SUPT7L: variants seen among roughly 807,000 people sequenced by gnomAD.
SUPT7L encodes the protein STAGA complex 65 subunit gamma.
Under a neutral mutation model 35.7 loss-of-function variants are expected in SUPT7L, and 15 were observed. That is an observed-to-expected ratio of 0.42 (90% CI 0.28 to 0.65). The LOEUF (loss-of-function observed/expected upper bound fraction) is 0.65. Ranked by LOEUF, SUPT7L falls within the 30% of genes least tolerant of loss-of-function variation. SUPT7L has a pLI of 0.23. For synonymous variants in SUPT7L, 168 were observed against 186.2 expected (o/e 0.90, Z 0.79); for missense variants, 434 against 522.2 (o/e 0.83, Z 1.65).
chr2:27,648,022 T>A, downstream of SUPT7L: 1 of 800,512 alleles, frequency 1.2e-6, no homozygotes, highest in Non-Finnish European at 2.2e-6. Flanking sequence ...TTTCTTGCTT[T>A]AAGCGTGTAG....
rs1438452092 is a variant in SUPT7L at position 27,655,408 on chromosome 2, G to A, written c.939C>T (p.Arg313=). The change falls in exon 5 of 6, where the codon CGC becomes CGT. Residue 313 remains arginine, a synonymous_variant. Transcript: ENST00000337768. ...CTTCAACCTCCAGGTTAGATGGGAA[G>A]CGTTCGCTCTGAGCCCCAAGCACTC... ...PMGVLGAQSE[R]FPSNLEVEAS... 1.2e-6 allele frequency: 2 copies of A among 1,606,310 alleles called. No homozygotes were observed. Among genetic ancestry groups the A allele is most frequent in the South Asian group, 2.2e-5 (2 of 89,948 alleles).
downstream of SUPT7L, among the ~76,000 whole-genome samples, chr2:27,649,342 T>C (rs1010613747): frequency 2.6e-5 from 4 of 152,202 alleles, no homozygotes; most frequent in African/African-American, 9.6e-5. Flanking sequence ...TTCTTTAGGC[T>C]GGGTTTTACA....
At position 27,662,167 on chromosome 2, in the gene SUPT7L, G is replaced by T. The variant is rs1434637860; in HGVS notation, c.14+12C>A. The T allele has an allele frequency of 1.9e-6, 3 of 1,613,910 alleles. No individual in the cohort carries two copies. Among genetic ancestry groups the T allele is most frequent in the Non-Finnish European group, 2.5e-6 (3 of 1,179,978 alleles). On this transcript the variant is annotated intron_variant, in intron 2 of 5. Transcript: ENST00000337768. ...ACCATTCAACAAAATTCACAATCTG[G>T]TTTCAACTCACCTTTGCAGATTCAT... is the stretch of plus-strand genomic sequence containing the variant.
chr2:27,653,250 A>G lies in SUPT7L; in HGVS notation c.*235T>C. On this transcript the variant is annotated 3_prime_UTR_variant, in exon 6 of 6. Transcript: ENST00000337768. ...GGGACAGTGCTTTGGTCTGATTGCCATGCCAGCATCATATTTTATCTGTGA... is the reference window on the plus strand; with the variant it reads ...GGGACAGTGCTTTGGTCTGATTGCCGTGCCAGCATCATATTTTATCTGTGA... 7.3e-6 allele frequency: 4 copies of G among 547,250 alleles called. No individual in the cohort carries two copies. Among genetic ancestry groups the G allele is most frequent in the South Asian group, 2.1e-5 (1 of 47,014 alleles). The allele number at this position is 547,250 out of a possible 1,614,324, so 33.9% of individuals were successfully genotyped here.
At chr2:27,645,390 A>C in the SUPT7L span, among the ~76,000 whole-genome samples, 2 of 151,996 alleles carry the variant, frequency 1.3e-5, no homozygotes, top group Non-Finnish European at 2.9e-5. Flanking sequence ...TTCTCCTCCT[A>C]ATTTTTATTT....
chr2:27,656,775 G>A (rs1334527506), intron 4 of SUPT7L, among the ~76,000 whole-genome samples: 1 of 151,936 alleles, frequency 6.6e-6, no homozygotes, highest in African/African-American at 2.4e-5. Flanking sequence ...TGAGACCACA[G>A]GCATGAGCTA....
Position 27,650,815 on chromosome 2 carries a change from TG to T in SUPT7L, c.*2669del, listed in dbSNP as rs1169076488. 6.5e-6 allele frequency: 1 copy of T among 152,826 alleles called. No homozygotes were observed. Among genetic ancestry groups the T allele is most frequent in the East Asian group, 1.9e-4 (1 of 5,342 alleles). The allele number at this position is 152,826 out of a possible 1,614,324, so 9.5% of individuals were successfully genotyped here. A position where few individuals can be genotyped will look rare whatever the true frequency, so the allele number is the denominator to read the frequency against. ...TTAATGAATCAGAATCCTGTTTCAT[TG>T]GTGACTTGGATAAAGACTTTTTAAT... is the stretch of plus-strand genomic sequence containing the variant. On this transcript the variant is annotated 3_prime_UTR_variant, in exon 6 of 6. Coordinates refer to ENST00000337768, the MANE Select transcript of SUPT7L (RefSeq NM_014860.3).
chr2:27,660,247 T>C (rs1051515846), intron 3 of SUPT7L, among the ~76,000 whole-genome samples: 3 of 151,782 alleles, frequency 2.0e-5, no homozygotes, highest in South Asian at 2.1e-4. Context: ...TTTTTTTTTT[T>C]CCAGACAGGG....
the SUPT7L span, among the ~76,000 whole-genome samples, chr2:27,643,801 C>T: frequency 2.0e-5 from 3 of 152,132 alleles, no homozygotes; most frequent in South Asian, 2.1e-4. This position sits in a 1 kb window ranked among gnomAD's most constrained non-coding sequence, Gnocchi z 4.0. Context: ...TTGGGAGGCA[C>T]GTGATGTTGA....
At chr2:27,642,574 T>A in the SUPT7L span, 14 of 983,002 alleles carry the variant, frequency 1.4e-5, no homozygotes, top group Non-Finnish European at 1.7e-5. Flanking sequence ...CTTCTTTCTT[T>A]TATTTATTTA....
At chr2:27,647,807 C>A, downstream of SUPT7L, 1 of 1,266,122 alleles carries the variant, frequency 7.9e-7, no homozygotes, top group Non-Finnish European at 1.2e-6. Context: ...TTTGAGGAGG[C>A]ATATCACTGA....
chr2:27,662,715 A>G (rs1281291142), intron 1 of SUPT7L, among the ~76,000 whole-genome samples: 5 of 152,180 alleles, frequency 3.3e-5, no homozygotes, highest in East Asian at 1.9e-4. Flanking sequence ...GTCTTGTTAC[A>G]GGGCCAGGCA....
At chr2:27,661,617 G>T in intron 2 of SUPT7L, 1 of 1,385,640 alleles carries the variant, frequency 7.2e-7, no homozygotes, top group Non-Finnish European at 9.3e-7. Context: ...TAAATTAAGA[G>T]AAATGTAACT....
At chr2:27,650,031 C>T, downstream of SUPT7L, 1 of 782,560 alleles carries the variant, frequency 1.3e-6, no homozygotes, top group African/African-American at 1.7e-5. Flanking sequence ...AAGTAATGTA[C>T]TGTTTTCTGA....
rs1166464891 is a variant in SUPT7L at position 27,653,826 on chromosome 2, C to G, written c.983-79G>C. The stretch of plus-strand genomic sequence containing the variant: ...TAGAACAAAGAGTAAATATATCACT[C>G]AGAACCAACTAATATGCTTTGAGCT... On this transcript the variant is annotated intron_variant, in intron 5 of 5. Transcript: ENST00000337768. 3 of 1,539,540 alleles carry G rather than the reference C, an allele frequency of 1.9e-6. No individual in the cohort carries two copies. In the East Asian group the frequency reaches 6.8e-5, roughly 35 times the overall value.
At chr2:27,658,093 A>G (rs1674888016) in intron 3 of SUPT7L, among the ~76,000 whole-genome samples, 1 of 152,210 alleles carries the variant, frequency 6.6e-6, no homozygotes, top group African/African-American at 2.4e-5. Flanking sequence ...TTAGAAATTC[A>G]CAGTTCCAAT....
chr2:27,656,933 C>T (rs1031425247), intron 4 of SUPT7L, among the ~76,000 whole-genome samples: 3 of 152,176 alleles, frequency 2.0e-5, no homozygotes, highest in Non-Finnish European at 4.4e-5. Flanking sequence ...GCCATCATGC[C>T]CAGCTCCTGA....
chr2:27,646,805 A>G (rs1334421646), downstream of SUPT7L, among the ~76,000 whole-genome samples: 3 of 151,934 alleles, frequency 2.0e-5, no homozygotes, highest in Admixed American at 6.6e-5. Context: ...TTATTGCTCT[A>G]TATCTAGTAG....
Position 27,657,770 on chromosome 2 carries a change from A to C in SUPT7L, c.420-101T>G. On this transcript the variant is annotated intron_variant, in intron 3 of 5. Coordinates refer to ENST00000337768, the MANE Select transcript of SUPT7L (RefSeq NM_014860.3). This position sits in a 1 kb window ranked among gnomAD's most constrained non-coding sequence, Gnocchi z 5.2. The stretch of plus-strand genomic sequence containing the variant: ...ACAATTCCAGTCAAGCCACTGGCCT[A>C]GCTTTCCAGGGAAATTCCATCCAAG... 1 of 1,161,448 alleles carries C rather than the reference A, an allele frequency of 8.6e-7. No homozygotes were observed. The highest frequency in any genetic ancestry group is 2.6e-5 in the East Asian group (1 of 39,014). 71.9% of individuals were successfully genotyped at this position (1,161,448 alleles called of 1,614,324 possible).
Sources: allele counts gnomAD v4.1 joint callset (sites outside exome capture counted in the v4.1 genomes callset), GRCh38; gene constraint gnomAD v4.1.1; non-coding constraint Gnocchi (gnomAD v3.1); transcripts MANE v1.5; gene names NCBI Gene and HGNC (gene_info 2026-07-23, HGNC 2026-07-21).